The following RAB28 variants were observed in gnomAD, a reference collection of about 807,000 sequenced individuals.
RAB28 encodes ras-related protein Rab-28.
In RAB28, 24 loss-of-function variants were observed where a neutral mutation model predicts 31.7. That is an observed-to-expected ratio of 0.76 (90% CI 0.55 to 1.06). The LOEUF (loss-of-function observed/expected upper bound fraction) is 1.06, where lower values mean the gene tolerates loss of function less well. Among genes scored for constraint, RAB28 ranks in the 50% least tolerant of loss-of-function variants. RAB28 has a pLI of 0.00. For missense variants in RAB28, 254 were observed against 258.5 expected, an observed-to-expected ratio of 0.98 and a Z score of 0.12; for synonymous variants, 100 against 90.4, an observed-to-expected ratio of 1.11 and a Z score of -0.60.
chr4:13,478,960 A>G (rs1181818890), intron 2 of RAB28, among the ~76,000 whole-genome samples: 2 of 151,658 alleles, frequency 1.3e-5, no homozygotes, highest in Non-Finnish European at 3.0e-5. Context: ...GCTGCCTTGC[A>G]TAAAACAGCA....
chr4:13,369,973 T>C, intron 6 of RAB28: 14 of 1,609,196 alleles, frequency 8.7e-6, no homozygotes, highest in Non-Finnish European at 1.0e-5. Context: ...ACGCTGTCAA[T>C]TCCATACAAC....
chr4:13,422,683 C>A (rs1019303222), intron 4 of RAB28, among the ~76,000 whole-genome samples: 5 of 149,054 alleles, frequency 3.4e-5, no homozygotes, highest in Non-Finnish European at 5.9e-5. Context: ...GCTCACTCAT[C>A]GGTGGGAATT....
At chr4:13,377,124 G>A (rs775390179) in intron 5 of RAB28, among the ~76,000 whole-genome samples, 32 of 152,072 alleles carry the variant, frequency 2.1e-4, no homozygotes, top group Non-Finnish European at 2.4e-4. Flanking sequence ...TGTTTCTTGA[G>A]TAAAGCAACT....
chr4:13,385,738 C>T (rs942148910), intron 4 of RAB28, among the ~76,000 whole-genome samples: 4 of 152,102 alleles, frequency 2.6e-5, no homozygotes, highest in Admixed American at 1.3e-4. Context: ...CTTAAGTACA[C>T]GGACCACTGA....
At chr4:13,386,721 T>A (rs978713713) in intron 4 of RAB28, among the ~76,000 whole-genome samples, 5 of 152,108 alleles carry the variant, frequency 3.3e-5, no homozygotes, top group Non-Finnish European at 1.5e-5. Flanking sequence ...AGAACTACCA[T>A]TCAACACAGC....
intron 3 of RAB28, among the ~76,000 whole-genome samples, chr4:13,468,218 C>A (rs1235788431): frequency 6.6e-6 from 1 of 151,902 alleles, no homozygotes; most frequent in Non-Finnish European, 1.5e-5. Context: ...TACAGTTGAT[C>A]TGAACAACAC....
At chr4:13,374,093 C>A (rs886989741) in intron 6 of RAB28, among the ~76,000 whole-genome samples, 3 of 151,550 alleles carry the variant, frequency 2.0e-5, no homozygotes, top group Non-Finnish European at 4.4e-5. Flanking sequence ...GCAAAAACAC[C>A]AAATTCATCA....
chr4:13,388,685 T>C (rs1370672266), intron 4 of RAB28, among the ~76,000 whole-genome samples: 1 of 151,642 alleles, frequency 6.6e-6, no homozygotes, highest in Non-Finnish European at 1.5e-5. Flanking sequence ...AAAAACACAA[T>C]TTACAAATAA....
chr4:13,455,925 G>A (rs1678286039), intron 4 of RAB28, among the ~76,000 whole-genome samples: 1 of 152,238 alleles, frequency 6.6e-6, no homozygotes, highest in Non-Finnish European at 1.5e-5. Flanking sequence ...AGTGCCAGAT[G>A]TCTCTATTCA....
intron 4 of RAB28, among the ~76,000 whole-genome samples, chr4:13,386,664 T>C (rs1399781488): frequency 6.6e-6 from 1 of 152,170 alleles, no homozygotes; most frequent in Non-Finnish European, 1.5e-5. Context: ...ATAAATTACT[T>C]CAACCATTGT....
At chr4:13,450,785 C>A (rs1049465537) in intron 4 of RAB28, among the ~76,000 whole-genome samples, 1 of 151,528 alleles carries the variant, frequency 6.6e-6, no homozygotes, top group Admixed American at 6.6e-5. Context: ...AATTGAGCTA[C>A]CTAAAAGCAA....
intron 6 of RAB28, chr4:13,371,261 C>A (rs937001005): frequency 4.1e-5 from 40 of 985,346 alleles, no homozygotes; most frequent in South Asian, 1.4e-4. Context: ...ATGCTATCAA[C>A]AGAAGCATTA....
intron 2 of RAB28, among the ~76,000 whole-genome samples, chr4:13,477,168 C>G (rs1716397632): frequency 6.6e-6 from 1 of 151,546 alleles, no homozygotes. Flanking sequence ...GAATCTCTGA[C>G]TAACAGATAC....
chr4:13,466,200 C>T (rs1334441784), intron 3 of RAB28, among the ~76,000 whole-genome samples: 1 of 151,784 alleles, frequency 6.6e-6, no homozygotes, highest in African/African-American at 2.4e-5. Flanking sequence ...CCACAGACAA[C>T]AAAAGCAATA....
intron 4 of RAB28, among the ~76,000 whole-genome samples, chr4:13,410,318 A>T (rs73229664): frequency 0.014 from 2,093 of 152,224 alleles, 24 homozygotes; most frequent in Middle Eastern, 0.045. Context: ...AAATCCCCTA[A>T]ATCAGTCCAA....
At chr4:13,391,123 G>A (rs1466128137) in intron 4 of RAB28, among the ~76,000 whole-genome samples, 4 of 152,084 alleles carry the variant, frequency 2.6e-5, no homozygotes, top group Admixed American at 2.6e-4. Flanking sequence ...CAGGCAACCT[G>A]TAGAATGGGA....
At chr4:13,406,793 T>C (rs1208958450) in intron 4 of RAB28, among the ~76,000 whole-genome samples, 1 of 152,264 alleles carries the variant, frequency 6.6e-6, no homozygotes, top group Non-Finnish European at 1.5e-5. Context: ...GCTGCATAAA[T>C]GTCTTCTTTT....
chr4:13,410,404 C>CTGAT (rs1382664674), intron 4 of RAB28, among the ~76,000 whole-genome samples: 1 of 151,990 alleles, frequency 6.6e-6, no homozygotes, highest in Non-Finnish European at 1.5e-5. Context: ...CATTAGAAGC[C>CTGAT]TGATTGCCGG....
intron 4 of RAB28, among the ~76,000 whole-genome samples, chr4:13,387,693 G>A (rs1359441413): frequency 6.6e-6 from 1 of 151,998 alleles, no homozygotes; most frequent in African/African-American, 2.4e-5. Context: ...GAAAATAGCT[G>A]TCTGTGAAGA....
Sources: gnomAD v4.1 joint callset for allele counts (sites outside exome capture counted in the v4.1 genomes callset) on GRCh38, gnomAD v4.1.1 for gene constraint, MANE v1.5 for transcripts, NCBI Gene and HGNC (gene_info 2026-07-23, HGNC 2026-07-21) for gene names.